Variants in SLC39A9 observed in about 807,000 individuals in gnomAD.
SLC39A9 encodes the protein zinc transporter ZIP9.
Under a neutral mutation model 28.4 loss-of-function variants are expected in SLC39A9, and 14 were observed. That is an observed-to-expected ratio of 0.49 (90% CI 0.33 to 0.77). The LOEUF (loss-of-function observed/expected upper bound fraction) is 0.77. Ranked by LOEUF, SLC39A9 falls within the 30% of genes least tolerant of loss-of-function variation. SLC39A9 has a pLI of 0.02. For synonymous variants in SLC39A9, 119 were observed against 149.6 expected (o/e 0.80, Z 1.49); for missense variants, 283 against 381.1 (o/e 0.74, Z 2.14).
At chr14:69,404,637 T>A (rs1439900759) in intron 1 of SLC39A9, among the ~76,000 whole-genome samples, 1 of 152,192 alleles carries the variant, frequency 6.6e-6, no homozygotes, top group Non-Finnish European at 1.5e-5. Context: ...CCCTTCGCAG[T>A]CATGGAAACT....
intron 2 of SLC39A9, among the ~76,000 whole-genome samples, chr14:69,440,173 C>G (rs1884973567): frequency 6.6e-6 from 1 of 152,146 alleles, no homozygotes; most frequent in African/African-American, 2.4e-5. Flanking sequence ...GTAAACCCAG[C>G]TACTCGGGAG....
chr14:69,425,331 A>G (rs1465757825), intron 2 of SLC39A9, among the ~76,000 whole-genome samples: 4 of 152,228 alleles, frequency 2.6e-5, no homozygotes, highest in African/African-American at 7.2e-5. Context: ...CTAGTGGGTC[A>G]TCTTGAATTT....
At chr14:69,427,830 C>G (rs1333854091) in intron 2 of SLC39A9, among the ~76,000 whole-genome samples, 2 of 152,180 alleles carry the variant, frequency 1.3e-5, no homozygotes, top group Admixed American at 1.3e-4. Context: ...CATGTCTGAA[C>G]AGGATCTACT....
chr14:69,423,779 T>C (rs781715248), intron 1 of SLC39A9, among the ~76,000 whole-genome samples: 33 of 151,540 alleles, frequency 2.2e-4, no homozygotes, highest in Non-Finnish European at 3.8e-4. Flanking sequence ...ACGCCTGTAA[T>C]CCCAGCTACC....
chr14:69,461,676 C>G lies in SLC39A9; in HGVS notation c.*3083C>G. 1 of 1,535,838 alleles carries G rather than the reference C, an allele frequency of 6.5e-7. No individual in the cohort carries two copies. Among genetic ancestry groups the G allele is most frequent in the Non-Finnish European group, 8.7e-7 (1 of 1,146,810 alleles). ...CCAGCCTACTTCTAAGTGTCACTGC[C>G]TGGTTTTTCTCTTTTTCAAGGATTA... is the stretch of plus-strand genomic sequence containing the variant. On this transcript the variant is annotated 3_prime_UTR_variant, in exon 7 of 7. Coordinates refer to ENST00000336643, the MANE Select transcript of SLC39A9 (RefSeq NM_018375.5).
At position 69,414,215 on chromosome 14, in the gene SLC39A9, G is replaced by T. The variant is rs141487138; in HGVS notation, c.97-9879G>T. On this transcript the variant is annotated intron_variant, in intron 1 of 6. Coordinates refer to ENST00000336643, the MANE Select transcript of SLC39A9 (RefSeq NM_018375.5). Reference sequence around the variant, plus strand: ...GTTGTGCACCATCATACTCGGCTAAGTTTTGTATTTTTAGTAGAGACAGGG... The same window carrying T: ...GTTGTGCACCATCATACTCGGCTAATTTTTGTATTTTTAGTAGAGACAGGG... Among the ~76,000 whole-genome samples, 447 of 152,174 alleles carry T rather than the reference G, an allele frequency of 2.9e-3. 3 individuals are homozygous for T. The highest frequency in any genetic ancestry group is 0.01 in the African/African-American group (435 of 41,524).
chr14:69,453,326 G>A lies in SLC39A9; in HGVS notation c.472+17G>A, dbSNP rs1885704417. On this transcript the variant is annotated intron_variant, in intron 4 of 6. Coordinates refer to ENST00000336643, the MANE Select transcript of SLC39A9 (RefSeq NM_018375.5). Reference sequence around the variant, plus strand: ...ATGCTGCAGGTAGGGTTGGATTGCAGTGGAACTTCTTTGTTTTCTATCGCA... The same window carrying A: ...ATGCTGCAGGTAGGGTTGGATTGCAATGGAACTTCTTTGTTTTCTATCGCA... 1 of 1,612,668 alleles carries A rather than the reference G, an allele frequency of 6.2e-7. No homozygotes were observed. Among genetic ancestry groups the A allele is most frequent in the Non-Finnish European group, 8.5e-7 (1 of 1,178,728 alleles).
intron 1 of SLC39A9, among the ~76,000 whole-genome samples, chr14:69,406,790 A>C (rs1882935644): frequency 1.3e-5 from 2 of 150,680 alleles, no homozygotes; most frequent in Admixed American, 6.6e-5. Context: ...ACTAATATTC[A>C]GTTTTTAACT....
Position 69,461,469 on chromosome 14 carries a change from A to G in SLC39A9, c.*2876A>G, listed in dbSNP as rs1024282899. ...AACGTAGACAGTTGGAAACAGTACT[A>G]CCTACCTAGAGGTTATGTGTTTTCT... On this transcript the variant is annotated 3_prime_UTR_variant, in exon 7 of 7. Coordinates refer to ENST00000336643, the MANE Select transcript of SLC39A9 (RefSeq NM_018375.5). 5 of 1,395,288 alleles carry G rather than the reference A, an allele frequency of 3.6e-6. No homozygotes were observed. Among genetic ancestry groups the G allele is most frequent in the South Asian group, 1.6e-5 (1 of 62,518 alleles). 86.4% of individuals were successfully genotyped at this position (1,395,288 alleles called of 1,614,324 possible).
chr14:69,423,427 A>G (rs1052852225), intron 1 of SLC39A9, among the ~76,000 whole-genome samples: 1 of 152,214 alleles, frequency 6.6e-6, no homozygotes, highest in Non-Finnish European at 1.5e-5. Flanking sequence ...ATGAATTTCT[A>G]GAAGTAAAAT....
At chr14:69,429,611 G>A (rs911849315) in intron 2 of SLC39A9, among the ~76,000 whole-genome samples, 10 of 152,162 alleles carry the variant, frequency 6.6e-5, no homozygotes, top group African/African-American at 2.2e-4. Flanking sequence ...CCAGTTACTC[G>A]GGAGACTGAA....
At position 69,412,863 on chromosome 14, in the gene SLC39A9, C is replaced by A. The variant is rs1883348864; in HGVS notation, c.97-11231C>A. Among the ~76,000 whole-genome samples, 4 of 152,234 alleles carry A rather than the reference C, an allele frequency of 2.6e-5. No homozygotes were observed. The South Asian group carries it at 8.3e-4, about 32-fold the overall frequency. On this transcript the variant is annotated intron_variant, in intron 1 of 6. Coordinates refer to ENST00000336643, the MANE Select transcript of SLC39A9 (RefSeq NM_018375.5). The stretch of plus-strand genomic sequence containing the variant: ...ATTTCAAAGTGAACTGAAAACAATA[C>A]AATAGTTTTACCTCACGCTGCCTTT...
intron 3 of SLC39A9, among the ~76,000 whole-genome samples, chr14:69,451,232 A>G (rs1225990528): frequency 6.6e-6 from 1 of 152,192 alleles, no homozygotes; most frequent in African/African-American, 2.4e-5. Flanking sequence ...TCATTTATTA[A>G]TAAGAGGTAA....
At chr14:69,453,372 A>G in intron 4 of SLC39A9, 63 bp downstream of exon 4, 1 of 1,488,188 alleles carries the variant, frequency 6.7e-7, no homozygotes. Flanking sequence ...CTTAGTGTTT[A>G]TATTTCAGGG....
Position 69,454,862 on chromosome 14 carries a change from C to G in SLC39A9, c.523C>G (p.Gln175Glu), listed in dbSNP as rs1198841996. 6.2e-7 allele frequency: 1 copy of G among 1,613,776 alleles called. No individual in the cohort carries two copies. The highest frequency in any genetic ancestry group is 1.3e-5 in the African/African-American group (1 of 74,912). The change falls in exon 5 of 7, where the codon CAG (glutamine) becomes GAG (glutamate). Residue 175 changes from glutamine (Q) to glutamate (E), a missense_variant. By Grantham distance (29) the Gln-to-Glu change is conservative. Transcript: ENST00000336643. ...AGCATCTACTTCACAGACCAGTGTCCAGTTAATTGTGTTTGTGGCAATCAT... is the reference window on the plus strand; with the variant it reads ...AGCATCTACTTCACAGACCAGTGTCGAGTTAATTGTGTTTGTGGCAATCAT... ...AAASTSQTSV[Q>E]LIVFVAIMLH...
At chr14:69,445,135 C>G (rs1337067776) in intron 3 of SLC39A9, among the ~76,000 whole-genome samples, 1 of 151,816 alleles carries the variant, frequency 6.6e-6, no homozygotes, top group Admixed American at 6.6e-5. Context: ...GAAAAACATA[C>G]AGTTGACCTT....
At chr14:69,440,108 G>A (rs1290189087) in intron 2 of SLC39A9, among the ~76,000 whole-genome samples, 1 of 152,046 alleles carries the variant, frequency 6.6e-6, no homozygotes, top group Non-Finnish European at 1.5e-5. Context: ...ATGAAGAGGG[G>A]AAGGGCCCCT....
chr14:69,413,728 A>T, intron 1 of SLC39A9, among the ~76,000 whole-genome samples: 1 of 152,052 alleles, frequency 6.6e-6, no homozygotes, highest in African/African-American at 2.4e-5. Context: ...TTGGAGATAA[A>T]TTTTTTTATA....
intron 2 of SLC39A9, among the ~76,000 whole-genome samples, chr14:69,426,652 G>T (rs1884208279): frequency 6.6e-6 from 1 of 152,176 alleles, no homozygotes; most frequent in Non-Finnish European, 1.5e-5. Context: ...AAGGGTTTAG[G>T]ATCGTACCCT....
Sources: allele counts gnomAD v4.1 joint callset (sites outside exome capture counted in the v4.1 genomes callset), GRCh38; gene constraint gnomAD v4.1.1; transcripts MANE v1.5; gene names NCBI Gene and HGNC (gene_info 2026-07-23, HGNC 2026-07-21).